Variants in ABCA5 observed in about 807,000 individuals in gnomAD.
The protein encoded by ABCA5 is cholesterol transporter ABCA5.
ABCA5 carries 163 observed loss-of-function variants against 206.0 expected under a neutral mutation model. The observed-to-expected ratio is 0.79, with a 90% CI of 0.70 to 0.90. ABCA5 has a LOEUF of 0.90. ABCA5 is among the 40% of genes least tolerant of loss of function. ABCA5 has a pLI of 0.00. For missense variants in ABCA5, 1,859 were observed against 1,912.9 expected (o/e 0.97, Z 0.53); for synonymous variants, 609 against 613.8 (o/e 0.99, Z 0.11).
At chr17:69,261,436 A>G (rs2144912883) in intron 25 of ABCA5, among the ~76,000 whole-genome samples, 177 bp from the exon 26 acceptor site, 1 of 152,182 alleles carries the variant, frequency 6.6e-6, no homozygotes, top group South Asian at 2.1e-4. Flanking sequence ...TTGATACACT[A>G]GTTGCTAAAT....
chr17:69,325,652 G>C lies in ABCA5; in HGVS notation c.-16+1400C>G, dbSNP rs375834475. 9.2e-5 allele frequency: 14 copies of C among 152,246 alleles called. No homozygotes were observed. In the East Asian group the frequency reaches 2.7e-3, roughly 29 times the overall value. 9.4% of individuals were successfully genotyped at this position (152,246 alleles called of 1,614,324 possible). Reference sequence around the variant, plus strand: ...TAAAAGACATGCAACAAACCAGCCTGGGCAATATAGCAAGACTTCGTCTCT... The same window carrying C: ...TAAAAGACATGCAACAAACCAGCCTCGGCAATATAGCAAGACTTCGTCTCT... On this transcript the variant is annotated intron_variant, in intron 1 of 38. Transcript: ENST00000392676.
chr17:69,294,797 G>A, intron 10 of ABCA5, 84 bp from the exon 11 acceptor site: 1 of 786,514 alleles, frequency 1.3e-6, no homozygotes, highest in Non-Finnish European at 2.0e-6. Context: ...TTTTATCAAT[G>A]CTATCACATT....
intron 22 of ABCA5, 39 bp downstream of exon 22, chr17:69,270,574 C>T: frequency 6.6e-7 from 1 of 1,517,104 alleles, no homozygotes; most frequent in African/African-American, 1.4e-5. Context: ...ATATATATGA[C>T]ATGCATATGG....
rs1567768060 is a variant in ABCA5, at chr17:69,287,500, A to C, written c.2041+113T>G. ...TTTTTAGAACTTTTTTTGTGAAGGAAACATACCACTAGGTAAAAGCTTCTC... is the reference window on the plus strand; with the variant it reads ...TTTTTAGAACTTTTTTTGTGAAGGACACATACCACTAGGTAAAAGCTTCTC... On this transcript the variant is annotated intron_variant, in intron 15 of 38. Transcript: ENST00000392676. 3 of 1,362,444 alleles carry C rather than the reference A, an allele frequency of 2.2e-6. No homozygotes were observed. In the African/African-American group the frequency reaches 4.4e-5, roughly 20 times the overall value. The allele number at this position is 1,362,444 out of a possible 1,614,324, so 84.4% of individuals were successfully genotyped here.
At chr17:69,279,331 T>G (rs974159345) in intron 18 of ABCA5, among the ~76,000 whole-genome samples, 12 of 152,220 alleles carry the variant, frequency 7.9e-5, no homozygotes, top group African/African-American at 2.2e-4. Context: ...ACGAGGGATG[T>G]GAAGGACCTC....
intron 21 of ABCA5, 46 bp downstream of exon 21, chr17:69,271,116 C>T (rs367741963): frequency 1.3e-6 from 2 of 1,568,598 alleles, no homozygotes; most frequent in Non-Finnish European, 8.6e-7. Flanking sequence ...ACGTTTTAAT[C>T]TTGCATAACT....
rs78349182 is a variant in ABCA5 at position 69,261,140 on chromosome 17, C to T, written c.3549G>A (p.Leu1183=). 0.081 allele frequency: 126,903 copies of T among 1,570,814 alleles called. 5,820 individuals carry two copies. Among genetic ancestry groups the T allele is most frequent in the Non-Finnish European group, 0.094 (108,653 of 1,156,210 alleles). ...GCAGAATTACCTTTATGAAAGAAATCAGGCAACCTAGAAGTGGATAGATTG... is the reference window on the plus strand; with the variant it reads ...GCAGAATTACCTTTATGAAAGAAATTAGGCAACCTAGAAGTGGATAGATTG... ...IIPIYPLLGC[L]ISFIKISWKN... is the part of the protein sequence containing the mutation. The change falls in exon 26 of 39, where the codon CTG becomes CTA. Residue 1183 remains leucine (L), a synonymous_variant. Transcript: ENST00000392676.
chr17:69,266,832 CAA>C (rs2144925828), intron 23 of ABCA5, among the ~76,000 whole-genome samples: 1 of 149,920 alleles, frequency 6.7e-6, no homozygotes, highest in Non-Finnish European at 1.5e-5. Flanking sequence ...AAACAAATAA[CAA>C]AATTTTTATT....
Position 69,270,607 on chromosome 17 carries a change from G to C in ABCA5, c.3030+6C>G, listed in dbSNP as rs368143145. On this transcript the variant is annotated splice_donor_region_variant and intron_variant, in intron 22 of 38. Transcript: ENST00000392676. ...TGGAAATTTATCTGTATATACATTG[G>C]CTTACTTGAAAGAATGGGGTACTCC... 9.0e-5 allele frequency: 142 copies of C among 1,581,746 alleles called. 1 individual carries two copies. The Middle Eastern group carries it at 1.3e-3, about 14-fold the overall frequency.
At chr17:69,270,149 T>C (rs1173535150) in intron 22 of ABCA5, among the ~76,000 whole-genome samples, 1 of 152,112 alleles carries the variant, frequency 6.6e-6, no homozygotes, top group South Asian at 2.1e-4. Flanking sequence ...TACAGATATT[T>C]GTCCATTTAT....
intron 1 of ABCA5, among the ~76,000 whole-genome samples, chr17:69,320,323 G>A (rs956109723): frequency 2.6e-5 from 4 of 152,080 alleles, no homozygotes; most frequent in African/African-American, 7.2e-5. Context: ...AAATTGAAGC[G>A]TGAGTCAAAG....
In ABCA5 at chr17:69,256,223, T is replaced by C; in HGVS notation, c.3792A>G (p.Glu1264=). The C allele has an allele frequency of 6.2e-7, 1 of 1,610,878 alleles. No homozygotes were observed. The highest frequency in any genetic ancestry group is 1.1e-5 in the South Asian group (1 of 90,626). The change falls in exon 29 of 39, where the codon GAA becomes GAG. Residue 1264 remains glutamate (E), a synonymous_variant. Transcript: ENST00000392676. ...GTCTTTCAGCTTTGACATCTTCATC[T>C]TCATCCTCATTGTCTGGTGGTTCTG... is the stretch of plus-strand genomic sequence containing the variant. ...KLPEPPDNED[E]DEDVKAERLK... is the part of the protein sequence containing the mutation.
intron 6 of ABCA5, 45 bp from the exon 7 acceptor site, chr17:69,304,855 T>TA (rs765316515): frequency 2.1e-6 from 3 of 1,425,452 alleles, no homozygotes; most frequent in Non-Finnish European, 2.8e-6. Flanking sequence ...TGCATAGGCT[T>TA]AACCAGTTAA....
At position 69,255,541 on chromosome 17, in the gene ABCA5, A is replaced by G; in HGVS notation, c.4068+2T>C. ...CATATCCTATACTCTTATATATCAT[A>G]CCTGGCCTGAAGTTGGTTCAATATC... On this transcript the variant is annotated splice_donor_variant, in intron 31 of 38. Transcript: ENST00000392676. LOFTEE classifies it high-confidence loss of function. 6.5e-7 allele frequency: 1 copy of G among 1,543,346 alleles called. No homozygotes were observed. The highest frequency in any genetic ancestry group is 2.2e-5 in the Admixed American group (1 of 44,832).
rs755648571 is a variant in ABCA5, at chr17:69,289,309, A to C, written c.1783-13T>G. ...AAACCTTCTGCACCTGTAAAAGTAA[A>C]GCATGAACAATGTTATTTTAAAAAT... On this transcript the variant is annotated splice_polypyrimidine_tract_variant and intron_variant, in intron 13 of 38. Coordinates refer to ENST00000392676, the MANE Select transcript of ABCA5 (RefSeq NM_172232.4). 6.6e-7 allele frequency: 1 copy of C among 1,515,602 alleles called. No homozygotes were observed. The highest frequency in any genetic ancestry group is 2.4e-5 in the East Asian group (1 of 40,940). The allele number at this position is 1,515,602 out of a possible 1,614,324, so 93.9% of individuals were successfully genotyped here.
chr17:69,271,905 A>G (rs1488400251), intron 20 of ABCA5, among the ~76,000 whole-genome samples: 1 of 152,170 alleles, frequency 6.6e-6, no homozygotes, highest in East Asian at 1.9e-4. Context: ...ACATCTCTAC[A>G]TTCTCTAAAG....
intron 14 of ABCA5, 147 bp from the exon 15 acceptor site, chr17:69,287,898 G>A: frequency 1.3e-6 from 1 of 796,500 alleles, no homozygotes. Context: ...TCATAATTGA[G>A]TTCACATAAA....
chr17:69,255,428 A>C (rs2075063786), intron 31 of ABCA5, 115 bp downstream of exon 31: 2 of 635,234 alleles, frequency 3.1e-6, no homozygotes, highest in Admixed American at 7.7e-5. Flanking sequence ...CTGTACAAAA[A>C]ATTCTAAAAA....
chr17:69,258,345 T>C (rs189176991), intron 28 of ABCA5, among the ~76,000 whole-genome samples: 1 of 152,154 alleles, frequency 6.6e-6, no homozygotes, highest in Admixed American at 6.5e-5. Flanking sequence ...CAGCCATAAA[T>C]AGAATGAAAT....
Sources: gnomAD v4.1 joint callset for allele counts (sites outside exome capture counted in the v4.1 genomes callset) on GRCh38, gnomAD v4.1.1 for gene constraint, MANE v1.5 for transcripts, NCBI Gene and HGNC (gene_info 2026-07-23, HGNC 2026-07-21) for gene names.